The following ANKS1B variants were observed in gnomAD, a reference collection of about 807,000 sequenced individuals.
ANKS1B encodes ankyrin repeat and sterile alpha motif domain containing 1B, also known as ankyrin repeat and sterile alpha motif domain-containing protein 1B.
Under a neutral mutation model 148.3 loss-of-function variants are expected in ANKS1B, and 36 were observed. That is an observed-to-expected ratio of 0.24 (90% CI 0.19 to 0.32). ANKS1B has a LOEUF of 0.32. ANKS1B is among the 10% of genes least tolerant of loss of function. The pLI is 1.00. For synonymous variants in ANKS1B, 542 were observed against 560.8 expected (o/e 0.97, Z 0.47); for missense variants, 1,157 against 1,542.6 (o/e 0.75, Z 4.19).
intron 17 of ANKS1B, among the ~76,000 whole-genome samples, chr12:98,952,391 C>T (rs1207676473): frequency 1.3e-5 from 2 of 152,196 alleles, no homozygotes; most frequent in East Asian, 3.8e-4. Context: ...AATGTGCTTA[C>T]ACATTGTCAA....
intron 8 of ANKS1B, among the ~76,000 whole-genome samples, chr12:99,666,700 TTTAA>T (rs1408036220): frequency 2.2e-4 from 34 of 152,318 alleles, no homozygotes; most frequent in African/African-American, 5.5e-4. Context: ...ATTAGGTTAA[TTTAA>T]TTTTCTTTTC....
At position 99,632,400 on chromosome 12, in the gene ANKS1B, G is replaced by A. The variant is rs1056258849; in HGVS notation, c.1272+22667C>T. Among the ~76,000 whole-genome samples the A allele has an allele frequency of 8.5e-5, 13 of 152,092 alleles. 1 individual carries two copies. The East Asian group carries it at 1.8e-3, about 21-fold the overall frequency. ...GAAAAAGTGGAAATGTGGGGTTGGAGCTGCTGCAGAGAATCCTCACTGCAT... is the reference window on the plus strand; with the variant it reads ...GAAAAAGTGGAAATGTGGGGTTGGAACTGCTGCAGAGAATCCTCACTGCAT... On this transcript the variant is annotated intron_variant, in intron 9 of 26. Transcript: ENST00000683438.
chr12:98,857,188 C>T (rs542590724), intron 17 of ANKS1B, among the ~76,000 whole-genome samples: 48 of 152,242 alleles, frequency 3.2e-4, no homozygotes, highest in Admixed American at 1.8e-3. Flanking sequence ...TCTAAGAAGA[C>T]CAAAGACATT....
intron 17 of ANKS1B, among the ~76,000 whole-genome samples, chr12:99,034,195 G>A (rs1227472968): frequency 1.3e-5 from 2 of 152,238 alleles, no homozygotes; most frequent in Non-Finnish European, 2.9e-5. Context: ...AATAGGAGTG[G>A]AGAAGAACCA....
chr12:99,447,781 T>G (rs2095659691), intron 10 of ANKS1B, among the ~76,000 whole-genome samples: 1 of 152,018 alleles, frequency 6.6e-6, no homozygotes, highest in African/African-American at 2.4e-5. Context: ...GATTTAAAAA[T>G]GGGCAAAGGA....
chr12:99,147,260 C>T (rs766568564), intron 15 of ANKS1B, among the ~76,000 whole-genome samples: 5 of 152,108 alleles, frequency 3.3e-5, no homozygotes, highest in African/African-American at 4.8e-5. Flanking sequence ...GTGACAAGTA[C>T]GCTTAGAGCT....
chr12:99,834,162 C>T (rs192289508), intron 1 of ANKS1B, among the ~76,000 whole-genome samples: 1 of 152,114 alleles, frequency 6.6e-6, no homozygotes, highest in African/African-American at 2.4e-5. Context: ...GCCCCCTTTA[C>T]TCAGGCATAA....
chr12:98,782,090 T>C, intron 23 of ANKS1B, 36 bp downstream of exon 23: 1 of 1,570,500 alleles, frequency 6.4e-7, no homozygotes, highest in Non-Finnish European at 8.7e-7. Flanking sequence ...CTATATATAC[T>C]AGTAATAATC....
intron 15 of ANKS1B, among the ~76,000 whole-genome samples, chr12:99,150,339 T>C (rs1034063641): frequency 3.3e-5 from 5 of 152,162 alleles, no homozygotes; most frequent in African/African-American, 1.2e-4. Flanking sequence ...AAGTGAAAAC[T>C]TAACTCCTAA....
In ANKS1B at chr12:98,798,931, T is replaced by C. The variant is rs1481314805; in HGVS notation, c.3342+3A>G. The C allele has an allele frequency of 1.9e-6, 3 of 1,610,650 alleles. No individual in the cohort carries two copies. The highest frequency in any genetic ancestry group is 1.7e-5 in the Admixed American group (1 of 59,482). ...TAGAAATAAAGTAGTTTGGCAGACT[T>C]ACCCGCATTTTTGCACAAGCATCTT... On this transcript the variant is annotated splice_donor_region_variant and intron_variant, in intron 22 of 26. Transcript: ENST00000683438.
At chr12:98,907,005 CTGTGTGTGTGTGTGTGTGTGTG>C (rs59857138) in intron 17 of ANKS1B, among the ~76,000 whole-genome samples, 5 of 145,746 alleles carry the variant, frequency 3.4e-5, no homozygotes, top group Non-Finnish European at 7.6e-5. Context: ...CATAGTTACT[CTGTGTGTGTGTGTGTGTGTGTG>C]TGTGTGTGTG....
intron 17 of ANKS1B, among the ~76,000 whole-genome samples, chr12:98,946,033 T>C (rs1470458443): frequency 6.6e-6 from 1 of 152,230 alleles, no homozygotes; most frequent in South Asian, 2.1e-4. Context: ...GTCGATCTTG[T>C]AGTCAAGCCA....
chr12:99,625,750 G>C (rs2098106319), intron 9 of ANKS1B, among the ~76,000 whole-genome samples: 1 of 152,092 alleles, frequency 6.6e-6, no homozygotes, highest in African/African-American at 2.4e-5. Flanking sequence ...AAGTCAAGAA[G>C]TAAAGAAAAC....
chr12:99,091,577 TA>T (rs977246231), intron 15 of ANKS1B, among the ~76,000 whole-genome samples: 5 of 152,302 alleles, frequency 3.3e-5, no homozygotes, highest in Admixed American at 2.0e-4. Flanking sequence ...CTCCTTCAAG[TA>T]AGAAGAAAAG....
chr12:99,512,649 C>T (rs1031205886), intron 9 of ANKS1B, among the ~76,000 whole-genome samples: 5 of 152,096 alleles, frequency 3.3e-5, no homozygotes, highest in African/African-American at 1.2e-4. Context: ...ATGGGGTCAA[C>T]CCAAATGGCC....
rs193268537 is a variant in ANKS1B, at chr12:99,199,256, C to G, written c.2420-44861G>C. On this transcript the variant is annotated intron_variant, in intron 14 of 26. Transcript: ENST00000683438. ...AAGTCTATTACTGTCTTAAGTCATGCAGTTTTAGATAACTAGTTTTAGATA... is the reference window on the plus strand; with the variant it reads ...AAGTCTATTACTGTCTTAAGTCATGGAGTTTTAGATAACTAGTTTTAGATA... Among the ~76,000 whole-genome samples the G allele has an allele frequency of 1.4e-3, 212 of 152,310 alleles. 1 individual carries two copies. Among genetic ancestry groups the G allele is most frequent in the African/African-American group, 4.9e-3 (202 of 41,568 alleles).
chr12:99,590,477 C>T (rs2097691947), intron 9 of ANKS1B, among the ~76,000 whole-genome samples: 1 of 152,150 alleles, frequency 6.6e-6, no homozygotes, highest in Admixed American at 6.6e-5. Flanking sequence ...TCCTATTTCT[C>T]ATGTCTGTCC....
intron 15 of ANKS1B, among the ~76,000 whole-genome samples, chr12:99,120,323 C>T (rs2062460208): frequency 6.6e-6 from 1 of 152,136 alleles, no homozygotes; most frequent in African/African-American, 2.4e-5. Flanking sequence ...CATAAGGAAA[C>T]AGCATTACAG....
rs929048024 is a variant in ANKS1B at position 98,829,056 on chromosome 12, C to G, written c.3066+118G>C. On this transcript the variant is annotated intron_variant, in intron 19 of 26. Coordinates refer to ENST00000683438, the MANE Select transcript of ANKS1B (RefSeq NM_001352186.2). This position sits in a 1 kb window ranked among gnomAD's most constrained non-coding sequence, Gnocchi z 5.2. ...GCAAGGAATGAAAGGCGGGGCATAA[C>G]ATGGTATAAATTCTAGTTAGGCACG... is the stretch of plus-strand genomic sequence containing the variant. The G allele has an allele frequency of 8.5e-7, 1 of 1,176,976 alleles. No individual in the cohort carries two copies. Among genetic ancestry groups the G allele is most frequent in the South Asian group, 1.3e-5 (1 of 75,534 alleles). 72.9% of individuals were successfully genotyped at this position (1,176,976 alleles called of 1,614,324 possible). A position where few individuals can be genotyped will look rare whatever the true frequency, so the allele number is the denominator to read the frequency against.
Sources: gnomAD v4.1 joint callset for allele counts (sites outside exome capture counted in the v4.1 genomes callset) on GRCh38, gnomAD v4.1.1 for gene constraint, Gnocchi (gnomAD v3.1) non-coding constraint, MANE v1.5 for transcripts, NCBI Gene and HGNC (gene_info 2026-07-23, HGNC 2026-07-21) for gene names.